PRKCB: variants seen among roughly 807,000 people sequenced by gnomAD.
PRKCB encodes protein kinase C beta.
A neutral mutation model predicts 81.5 loss-of-function variants in PRKCB; 13 were observed. The observed-to-expected ratio is 0.16, with a 90% CI of 0.10 to 0.25. The LOEUF (loss-of-function observed/expected upper bound fraction) is 0.25, where lower values mean the gene tolerates loss of function less well. Ranked by LOEUF, PRKCB falls within the 10% of genes least tolerant of loss-of-function variation. PRKCB has a pLI of 1.00. For synonymous variants in PRKCB, 335 were observed against 321.4 expected, an observed-to-expected ratio of 1.04 and a Z score of -0.45; for missense variants, 509 against 875.7, an observed-to-expected ratio of 0.58 and a Z score of 5.29.
intron 16 of PRKCB, among the ~76,000 whole-genome samples, chr16:24,206,754 A>G (rs904164723): frequency 6.6e-6 from 1 of 152,180 alleles, no homozygotes; most frequent in East Asian, 1.9e-4. Context: ...CTGTGTGTGC[A>G]TCTGTGTCCT....
chr16:24,040,038 A>G (rs2141861134), intron 5 of PRKCB, among the ~76,000 whole-genome samples: 1 of 152,330 alleles, frequency 6.6e-6, no homozygotes, highest in African/African-American at 2.4e-5. Flanking sequence ...CCATCAGCCC[A>G]GGACACTGCC....
At chr16:23,954,225 A>C (rs959158562) in intron 2 of PRKCB, among the ~76,000 whole-genome samples, 10 of 152,010 alleles carry the variant, frequency 6.6e-5, no homozygotes, top group African/African-American at 2.4e-4. Flanking sequence ...CTGGGATTAC[A>C]GGCATGAGAC....
At chr16:23,860,707 G>A (rs1188469498) in intron 2 of PRKCB, among the ~76,000 whole-genome samples, 1 of 151,416 alleles carries the variant, frequency 6.6e-6, no homozygotes, top group East Asian at 1.9e-4. Context: ...TGAACATGGT[G>A]AAACCCCATC....
intron 3 of PRKCB, among the ~76,000 whole-genome samples, chr16:24,002,680 T>C (rs1483178914): frequency 6.6e-6 from 1 of 152,032 alleles, no homozygotes; most frequent in African/African-American, 2.4e-5. Flanking sequence ...TCACAGTGGT[T>C]ATGGACAAGA....
chr16:24,018,634 G>A lies in PRKCB; in HGVS notation c.289-13502G>A, dbSNP rs17755496. 6.7e-3 allele frequency among the ~76,000 whole-genome samples: 1,017 copies of A among 152,316 alleles called. 7 individuals are homozygous for A. Among genetic ancestry groups the A allele is most frequent in the South Asian group, 0.017 (81 of 4,826 alleles). ...AAATGGTATTTTAAATTCTGCCAAA[G>A]TTTATACAATAGAAGCTTATCCTTC... On this transcript the variant is annotated intron_variant, in intron 3 of 16. Transcript: ENST00000643927.
At chr16:23,950,750 C>T (rs1964269581) in intron 2 of PRKCB, among the ~76,000 whole-genome samples, 1 of 152,222 alleles carries the variant, frequency 6.6e-6, no homozygotes, top group South Asian at 2.1e-4. Context: ...GCTGGTGCCT[C>T]TTTGCAGTTT....
intron 5 of PRKCB, among the ~76,000 whole-genome samples, chr16:24,086,126 G>T (rs186890807): frequency 5.3e-4 from 81 of 152,266 alleles, no homozygotes; most frequent in African/African-American, 1.9e-3. Context: ...GGATTTCAGG[G>T]CTCATAAAAG....
chr16:24,006,261 C>A (rs747877112), intron 3 of PRKCB, among the ~76,000 whole-genome samples: 1 of 152,200 alleles, frequency 6.6e-6, no homozygotes, highest in Non-Finnish European at 1.5e-5. Flanking sequence ...CGAGGATTGG[C>A]CTCTCTAGCT....
At chr16:23,995,019 G>A (rs895057789) in intron 3 of PRKCB, among the ~76,000 whole-genome samples, 2 of 152,214 alleles carry the variant, frequency 1.3e-5, no homozygotes, top group African/African-American at 4.8e-5. Context: ...ACATTTGTGT[G>A]TTAGAGGATG....
intron 2 of PRKCB, among the ~76,000 whole-genome samples, chr16:23,859,286 G>GCCAAAGATATGC (rs1962623309): frequency 6.6e-6 from 1 of 152,226 alleles, no homozygotes; most frequent in Admixed American, 6.5e-5. Flanking sequence ...TTTGGCCAGG[G>GCCAAAGATATGC]CACAGAAGGT....
chr16:24,020,973 TC>T (rs1479705082), intron 3 of PRKCB, among the ~76,000 whole-genome samples: 2 of 101,650 alleles, frequency 2.0e-5, no homozygotes, highest in African/African-American at 7.8e-5. Context: ...GAGAGACTTT[TC>T]TTTTTCTTTC....
chr16:23,836,875 C>G (rs1962171035), intron 1 of PRKCB, among the ~76,000 whole-genome samples: 1 of 151,956 alleles, frequency 6.6e-6, no homozygotes, highest in African/African-American at 2.4e-5. Context: ...TCTCCCATTG[C>G]CCCTCCCCGA....
chr16:24,110,525 T>C (rs982054566), intron 7 of PRKCB, among the ~76,000 whole-genome samples: 11 of 147,920 alleles, frequency 7.4e-5, no homozygotes, highest in Non-Finnish European at 1.5e-4. Context: ...TTTTTTTTTT[T>C]TTTTTTTGAG....
intron 2 of PRKCB, among the ~76,000 whole-genome samples, chr16:23,853,169 T>C (rs1397282294): frequency 6.6e-6 from 1 of 152,256 alleles, no homozygotes; most frequent in East Asian, 1.9e-4. Flanking sequence ...TTTTTAGGGC[T>C]TAACATTTCA....
intron 11 of PRKCB, among the ~76,000 whole-genome samples, chr16:24,173,801 T>C (rs1489206830): frequency 6.6e-6 from 1 of 152,212 alleles, no homozygotes; most frequent in African/African-American, 2.4e-5. Context: ...ATTCACTATA[T>C]AACTTGCCCA....
intron 5 of PRKCB, among the ~76,000 whole-genome samples, chr16:24,090,470 T>C (rs1243195713): frequency 6.6e-6 from 1 of 152,122 alleles, no homozygotes; most frequent in Non-Finnish European, 1.5e-5. Flanking sequence ...GGACAGGTAT[T>C]TGAATTTAAG....
chr16:24,204,653 A>G (rs149741370), intron 16 of PRKCB, among the ~76,000 whole-genome samples: 2 of 152,330 alleles, frequency 1.3e-5, no homozygotes, highest in Admixed American at 6.5e-5. Flanking sequence ...AGTGTATTTC[A>G]TCTAGTTTCT....
chr16:23,964,674 G>T (rs956058550), intron 2 of PRKCB, among the ~76,000 whole-genome samples: 5 of 138,898 alleles, frequency 3.6e-5, no homozygotes, highest in African/African-American at 1.3e-4. Flanking sequence ...ACCTCATGAG[G>T]TTTTTTTTTT....
intron 2 of PRKCB, among the ~76,000 whole-genome samples, chr16:23,965,809 C>T (rs1182267888): frequency 6.6e-6 from 1 of 152,234 alleles, no homozygotes; most frequent in Non-Finnish European, 1.5e-5. Flanking sequence ...TGTTCAGCTC[C>T]TGCTTCTCTT....
Sources: allele counts gnomAD v4.1 joint callset (sites outside exome capture counted in the v4.1 genomes callset), GRCh38; gene constraint gnomAD v4.1.1; transcripts MANE v1.5; gene names NCBI Gene and HGNC (gene_info 2026-07-23, HGNC 2026-07-21).